UNC5B: variants seen among roughly 807,000 people sequenced by gnomAD.
UNC5B encodes unc-5 netrin receptor B.
A neutral mutation model predicts 103.7 loss-of-function variants in UNC5B; 56 were observed. That is an observed-to-expected ratio of 0.54 (90% CI 0.44 to 0.67). The LOEUF (loss-of-function observed/expected upper bound fraction) is 0.67, where lower values mean the gene tolerates loss of function less well. Ranked by LOEUF, UNC5B falls within the 30% of genes least tolerant of loss-of-function variation. The pLI is 0.00. For synonymous variants in UNC5B, 577 were observed against 542.0 expected (o/e 1.06, Z -0.90); for missense variants, 1,194 against 1,284.5 (o/e 0.93, Z 1.08).
chr10:71,296,647 C>T lies in UNC5B; in HGVS notation c.2395C>T (p.His799Tyr). 2.5e-6 allele frequency: 4 copies of T among 1,614,098 alleles called. No homozygotes were observed. The highest frequency in any genetic ancestry group is 1.1e-5 in the South Asian group (1 of 91,090). The change falls in exon 15 of 17, where the codon CAC (histidine) becomes TAC (tyrosine). Residue 799 changes from histidine (H) to tyrosine (Y), a missense_variant. His to Tyr is a moderately conservative substitution (Grantham distance 83). Transcript: ENST00000335350. Reference sequence around the variant, plus strand: ...CCACTGCACTTTCACCCTGGAGAGGCACAGCTTGGCCTCCACAGAGCTCAC... The same window carrying T: ...CCACTGCACTTTCACCCTGGAGAGGTACAGCTTGGCCTCCACAGAGCTCAC... ...ALHCTFTLER[H>Y]SLASTELTCK... is the part of the protein sequence containing the mutation.
At chr10:71,286,420 G>A (rs10823717) in intron 4 of UNC5B, among the ~76,000 whole-genome samples, 1 of 151,994 alleles carries the variant, frequency 6.6e-6, no homozygotes, top group East Asian at 1.9e-4. Context: ...TGTAATCCTC[G>A]CGATGGATCC....
At chr10:71,236,560 G>C (rs142705935) in intron 1 of UNC5B, among the ~76,000 whole-genome samples, 3 of 152,154 alleles carry the variant, frequency 2.0e-5, no homozygotes, top group Non-Finnish European at 4.4e-5. Context: ...TTAGAAAGTC[G>C]TAAAGCGTTT....
intron 1 of UNC5B, among the ~76,000 whole-genome samples, chr10:71,237,104 G>A (rs573202193): frequency 1.3e-5 from 2 of 152,282 alleles, no homozygotes; most frequent in South Asian, 2.1e-4. Flanking sequence ...TGGGCGGAGG[G>A]TAGCTAGGAT....
chr10:71,275,804 G>A (rs112119524), intron 1 of UNC5B, among the ~76,000 whole-genome samples: 2 of 151,810 alleles, frequency 1.3e-5, no homozygotes, highest in East Asian at 1.9e-4. Flanking sequence ...TGGGAGACAC[G>A]GTAATACTAG....
chr10:71,242,921 A>T (rs12355168), intron 1 of UNC5B, among the ~76,000 whole-genome samples: 10,701 of 152,048 alleles, frequency 0.07, 478 homozygotes, highest in East Asian at 0.12. Context: ...CCCAATGAGG[A>T]CCTCAGCCCA....
chr10:71,232,251 A>G (rs894207309), intron 1 of UNC5B, among the ~76,000 whole-genome samples: 3 of 152,340 alleles, frequency 2.0e-5, no homozygotes, highest in Middle Eastern at 3.4e-3. Context: ...GCTGTGTCAA[A>G]ACCTATCTCA....
At chr10:71,252,243 G>A (rs1352197330) in intron 1 of UNC5B, among the ~76,000 whole-genome samples, 1 of 152,148 alleles carries the variant, frequency 6.6e-6, no homozygotes, top group Non-Finnish European at 1.5e-5. Context: ...TATCAAATGG[G>A]CTAACTTTGG....
chr10:71,295,939 C>G lies in UNC5B; in HGVS notation c.2304C>G (p.Ser768Arg). 9 of 1,613,104 alleles carry G rather than the reference C, an allele frequency of 5.6e-6. No homozygotes were observed. Among genetic ancestry groups the G allele is most frequent in the Non-Finnish European group, 7.6e-6 (9 of 1,180,006 alleles). The change falls in exon 14 of 17, where the codon AGC becomes AGG. Residue 768 changes from serine (S) to arginine (R), a missense_variant. Transcript: ENST00000335350. ...ACCTCCCCCATGCCCATTGGAGGAG[C>G]AAGCTGCTGGCCAAATACCAGGTGA... Reference protein sequence around the residue: ...LHDLPHAHWRSKLLAKYQEIP... With the variant: ...LHDLPHAHWRRKLLAKYQEIP...
At chr10:71,229,275 G>C (rs1041176084) in intron 1 of UNC5B, among the ~76,000 whole-genome samples, 1 of 152,192 alleles carries the variant, frequency 6.6e-6, no homozygotes, top group Non-Finnish European at 1.5e-5. Flanking sequence ...ACAAGCCCCA[G>C]GGGCAGATCA....
intron 1 of UNC5B, among the ~76,000 whole-genome samples, chr10:71,237,430 T>A (rs1381663000): frequency 1.3e-5 from 2 of 152,208 alleles, no homozygotes; most frequent in Admixed American, 1.3e-4. Context: ...TGCTTGGGCA[T>A]TTTTGGAGTT....
In UNC5B at chr10:71,213,019, C is replaced by T; in HGVS notation, c.34C>T (p.Leu12=). 2 of 1,418,984 alleles carry T rather than the reference C, an allele frequency of 1.4e-6. No individual in the cohort carries two copies. The highest frequency in any genetic ancestry group is 1.9e-6 in the Non-Finnish European group (2 of 1,080,610). The allele number at this position is 1,418,984 out of a possible 1,614,324, so 87.9% of individuals were successfully genotyped here. ...CCGGAGCGGAGCTCGGGGCGCGCTG[C>T]TGCTGGCACTGCTGCTCTGCTGGGA... The part of the protein sequence containing the change: ...GARSGARGAL[L]LALLLCWDPR... The change falls in exon 1 of 17, where the codon CTG becomes TTG. Residue 12 remains leucine (L), a synonymous_variant. Coordinates refer to ENST00000335350, the MANE Select transcript of UNC5B (RefSeq NM_170744.5). The surrounding 1 kb of genome is among the most constrained non-coding windows in gnomAD (Gnocchi z 4.1).
At chr10:71,248,861 TCTCTCTCACACACA>T (rs796630574) in intron 1 of UNC5B, among the ~76,000 whole-genome samples, 2,393 of 36,620 alleles carry the variant, frequency 0.065, 64 homozygotes, top group African/African-American at 0.16. Flanking sequence ...TCTCTCTCTC[TCTCTCTCACACACA>T]CACACACACA....
At chr10:71,289,536 A>G (rs1359922162) in intron 8 of UNC5B, among the ~76,000 whole-genome samples, 2 of 152,206 alleles carry the variant, frequency 1.3e-5, no homozygotes, top group Admixed American at 6.5e-5. Context: ...CACTGCAATC[A>G]TATCAGAGCA....
chr10:71,274,308 C>T (rs1326357839), intron 1 of UNC5B, among the ~76,000 whole-genome samples: 1 of 151,764 alleles, frequency 6.6e-6, no homozygotes, highest in Non-Finnish European at 1.5e-5. Context: ...TGCAGTGAGC[C>T]GAGATTGCAC....
At chr10:71,235,520 T>C (rs1231932341) in intron 1 of UNC5B, among the ~76,000 whole-genome samples, 2 of 152,222 alleles carry the variant, frequency 1.3e-5, no homozygotes, top group Non-Finnish European at 2.9e-5. Flanking sequence ...TTCCTCAGCC[T>C]TGGGCCTGGA....
In UNC5B at chr10:71,292,499, C is replaced by T. The variant is rs1845290999; in HGVS notation, c.1717C>T (p.Pro573Ser). The part of the protein sequence containing the change: ...VSLLVPNGAI[P>S]QGKFYEMYLL... The stretch of plus-strand genomic sequence containing the variant: ...CTTGCTGGTGCCCAATGGAGCCATT[C>T]CCCAGGGCAAGTTCTACGAGATGTA... Residue 573 changes from proline to serine, a missense_variant, in exon 11 of 17, where the codon CCC becomes TCC. Coordinates refer to ENST00000335350, the MANE Select transcript of UNC5B (RefSeq NM_170744.5). The T allele has an allele frequency of 1.2e-6, 2 of 1,605,204 alleles. No homozygotes were observed. Among genetic ancestry groups the T allele is most frequent in the Middle Eastern group, 1.6e-4 (1 of 6,072 alleles).
chr10:71,292,858 C>T (rs1419921558), intron 11 of UNC5B, among the ~76,000 whole-genome samples: 1 of 152,186 alleles, frequency 6.6e-6, no homozygotes, highest in African/African-American at 2.4e-5. Flanking sequence ...GATATGAACA[C>T]GTGATTCACA....
chr10:71,280,174 A>G (rs377263820), intron 2 of UNC5B, 129 bp downstream of exon 2: 9 of 1,037,774 alleles, frequency 8.7e-6, no homozygotes, highest in African/African-American at 7.9e-5. Context: ...TGCTGGCCAC[A>G]TGTCCCAGCC....
intron 1 of UNC5B, among the ~76,000 whole-genome samples, chr10:71,247,209 A>G (rs1844058062): frequency 6.6e-6 from 1 of 152,210 alleles, no homozygotes; most frequent in East Asian, 1.9e-4. Context: ...ATAGGATAGT[A>G]AAGGCCTATC....
Sources: allele counts gnomAD v4.1 joint callset (sites outside exome capture counted in the v4.1 genomes callset), GRCh38; gene constraint gnomAD v4.1.1; non-coding constraint Gnocchi (gnomAD v3.1); transcripts MANE v1.5; gene names NCBI Gene and HGNC (gene_info 2026-07-23, HGNC 2026-07-21).